Variants in IQGAP3 observed in about 807,000 individuals in gnomAD.
The protein encoded by IQGAP3 is IQ motif containing GTPase activating protein 3.
A neutral mutation model predicts 208.2 loss-of-function variants in IQGAP3; 165 were observed. The observed-to-expected ratio is 0.79, with a 90% CI of 0.70 to 0.90. IQGAP3 has a LOEUF of 0.90. Ranked by LOEUF, IQGAP3 falls within the 40% of genes least tolerant of loss-of-function variation. The pLI, the probability that IQGAP3 is intolerant of heterozygous loss-of-function variation, is 0.00. For missense variants in IQGAP3, 1,811 were observed against 2,043.1 expected, an observed-to-expected ratio of 0.89 and a Z score of 2.19; for synonymous variants, 703 against 803.6, an observed-to-expected ratio of 0.87 and a Z score of 2.12.
chr1:156,555,922 C>G (rs1357174227), intron 12 of IQGAP3, among the ~76,000 whole-genome samples: 1 of 152,216 alleles, frequency 6.6e-6, no homozygotes, highest in Non-Finnish European at 1.5e-5. Flanking sequence ...GTATCCAAGT[C>G]ATGCTGGGAG....
Position 156,538,848 on chromosome 1 carries a change from T to A in IQGAP3, c.3242A>T (p.Asn1081Ile). ...CTGGGCCTCAGTCTGGTTGATCCAGTTCTTATAGAGGTGGACAGGGTCTGT... is the reference window on the plus strand; with the variant it reads ...CTGGGCCTCAGTCTGGTTGATCCAGATCTTATAGAGGTGGACAGGGTCTGT... The part of the protein sequence containing the change: ...VHTDPVHLYK[N>I]WINQTEAQTG... The change falls in exon 26 of 38, where the codon AAC (asparagine) becomes ATC (isoleucine). Residue 1081 changes from asparagine to isoleucine, a missense_variant. Transcript: ENST00000361170. 6.2e-7 allele frequency: 1 copy of A among 1,614,196 alleles called. No individual in the cohort carries two copies. Among genetic ancestry groups the A allele is most frequent in the African/African-American group, 1.3e-5 (1 of 75,044 alleles).
chr1:156,528,869 G>T, intron 35 of IQGAP3, 47 bp downstream of exon 35: 2 of 1,606,222 alleles, frequency 1.2e-6, no homozygotes, highest in Non-Finnish European at 1.7e-6. Flanking sequence ...ATGGGCAGGG[G>T]TGAGAAGTCA....
chr1:156,534,783 G>A (rs1190191044), intron 28 of IQGAP3, 50 bp from the exon 29 acceptor site: 2 of 1,316,350 alleles, frequency 1.5e-6, no homozygotes, highest in Non-Finnish European at 2.0e-6. Context: ...CGCCTTGACT[G>A]GTGCGGCCCC....
In IQGAP3 at chr1:156,530,331, G is replaced by A. The variant is rs766006590; in HGVS notation, c.4192-14C>T. On this transcript the variant is annotated splice_polypyrimidine_tract_variant and intron_variant, in intron 33 of 37. Transcript: ENST00000361170. ...GTGGGCTGCTTCCTGGGGACACACA[G>A]ACGCTGGAGGGGTCTACCAGGTCCT... The A allele has an allele frequency of 3.7e-6, 6 of 1,600,280 alleles. No individual in the cohort carries two copies. The highest frequency in any genetic ancestry group is 1.1e-5 in the South Asian group (1 of 89,768).
Position 156,526,610 on chromosome 1 carries a change from A to G in IQGAP3, c.4783-11T>C. The G allele has an allele frequency of 1.3e-6, 2 of 1,590,230 alleles. No individual in the cohort carries two copies. Among genetic ancestry groups the G allele is most frequent in the South Asian group, 1.1e-5 (1 of 90,588 alleles). ...GAGCTGCAGGAGATCCTAGGAGGGA[A>G]GAGGCAGGGAGGGGAGTTTAAGGGC... On this transcript the variant is annotated splice_polypyrimidine_tract_variant and intron_variant, in intron 37 of 37. Coordinates refer to ENST00000361170, the MANE Select transcript of IQGAP3 (RefSeq NM_178229.5).
chr1:156,550,302 C>A lies in IQGAP3; in HGVS notation c.1784G>T (p.Gly595Val), dbSNP rs972615940. The A allele has an allele frequency of 1.2e-6, 2 of 1,614,026 alleles. No individual in the cohort carries two copies. The highest frequency in any genetic ancestry group is 1.1e-5 in the South Asian group (1 of 91,068). Residue 595 changes from glycine (G) to valine (V), a missense_variant, in exon 16 of 38, where the codon GGA (glycine) becomes GTA (valine). Transcript: ENST00000361170. ...AGTGTCCTGGTTGGCTCTGACCACT[C>A]CCTGGCGGATCTCCTCAAGCCACAG... is the stretch of plus-strand genomic sequence containing the variant. ...AVLWLEEIRQGVVRANQDTNT... is the reference protein window; with the variant it reads ...AVLWLEEIRQVVVRANQDTNT...
chr1:156,539,346 C>T, intron 25 of IQGAP3, 28 bp downstream of exon 25: 1 of 1,606,614 alleles, frequency 6.2e-7, no homozygotes. Flanking sequence ...CCATTCTCTC[C>T]CCATTCCTTT....
chr1:156,540,688 A>C lies in IQGAP3; in HGVS notation c.2739+20T>G. 1 of 1,596,972 alleles carries C rather than the reference A, an allele frequency of 6.3e-7. No individual in the cohort carries two copies. Among genetic ancestry groups the C allele is most frequent in the Non-Finnish European group, 8.6e-7 (1 of 1,165,782 alleles). On this transcript the variant is annotated intron_variant, in intron 23 of 37. Transcript: ENST00000361170. ...GAGGCAGGCAGATCTCGGGGAGGGGAGGACTGGTGGGCCCCATACCTGCAG... is the reference window on the plus strand; with the variant it reads ...GAGGCAGGCAGATCTCGGGGAGGGGCGGACTGGTGGGCCCCATACCTGCAG...
intron 32 of IQGAP3, 49 bp from the exon 33 acceptor site, chr1:156,531,296 G>A (rs771523900): frequency 1.0e-5 from 15 of 1,430,186 alleles, no homozygotes; most frequent in Admixed American, 1.7e-5. Flanking sequence ...CAGGGGAAGG[G>A]CCTGGACATG....
Position 156,539,395 on chromosome 1 carries a change from G to C in IQGAP3, c.3035C>G (p.Thr1012Arg), listed in dbSNP as rs1320825899. Residue 1012 changes from threonine to arginine, a missense_variant, in exon 25 of 38, where the codon ACA becomes AGA. Physicochemically the swap from Thr to Arg is moderately conservative, Grantham distance 71. Transcript: ENST00000361170. ...CTACTTGATTTCCTCCTGGAGTGCT[G>C]TCTTGAACAGCTGGAGCAGGAGATA... ...EAYLLLQLFK[T>R]ALQEEIKSKV... 3 of 1,613,944 alleles carry C rather than the reference G, an allele frequency of 1.9e-6. No individual in the cohort carries two copies. In the African/African-American group the frequency reaches 4.0e-5, roughly 22 times the overall value.
chr1:156,528,151 G>T, intron 36 of IQGAP3, 91 bp from the exon 37 acceptor site: 1 of 974,538 alleles, frequency 1.0e-6, no homozygotes. Context: ...ATCCTGGGCA[G>T]CGGTGTCATC....
chr1:156,564,248 A>T (rs1676297483), intron 5 of IQGAP3, among the ~76,000 whole-genome samples: 1 of 152,096 alleles, frequency 6.6e-6, no homozygotes, highest in Non-Finnish European at 1.5e-5. Context: ...CTGGTTGCTG[A>T]TGGCTGGCTG....
At chr1:156,530,972 C>T (rs1571310330) in intron 33 of IQGAP3, among the ~76,000 whole-genome samples, 188 bp downstream of exon 33, 3 of 152,152 alleles carry the variant, frequency 2.0e-5, no homozygotes, top group African/African-American at 7.2e-5. Flanking sequence ...CTCTGTAGCC[C>T]GAGGCTTCCC....
chr1:156,544,072 A>G, intron 21 of IQGAP3, 22 bp from the exon 22 acceptor site: 1 of 1,614,088 alleles, frequency 6.2e-7, no homozygotes, highest in Non-Finnish European at 8.5e-7. Context: ...ACAGATTGGA[A>G]AAGGGTTGCT....
At chr1:156,564,785 A>T in intron 4 of IQGAP3, 94 bp from the exon 5 acceptor site, 1 of 854,170 alleles carries the variant, frequency 1.2e-6, no homozygotes, top group Non-Finnish European at 2.0e-6. Flanking sequence ...TTCCTCTCCA[A>T]CCTGAGGTGT....
In IQGAP3 at chr1:156,561,029, A is replaced by T. The variant is rs1209737373; in HGVS notation, c.1042-8T>A. ...CTCCACCAGGCCCAGCTCCTAAGAG[A>T]GGGAAGAGATACAGTAGAATGGAGT... On this transcript the variant is annotated splice_region_variant and splice_polypyrimidine_tract_variant and intron_variant, in intron 10 of 37. Transcript: ENST00000361170. 4 of 1,607,070 alleles carry T rather than the reference A, an allele frequency of 2.5e-6. No individual in the cohort carries two copies. Among genetic ancestry groups the T allele is most frequent in the Non-Finnish European group, 2.6e-6 (3 of 1,173,958 alleles).
At chr1:156,556,415 T>C (rs1675821383) in intron 12 of IQGAP3, 118 bp downstream of exon 12, 3 of 935,150 alleles carry the variant, frequency 3.2e-6, no homozygotes, top group Admixed American at 4.4e-5. Flanking sequence ...TCTTTCCCCA[T>C]CCTAATCTCG....
At position 156,539,523 on chromosome 1, in the gene IQGAP3, G is replaced by A. The variant is rs931645588; in HGVS notation, c.2907C>T (p.Tyr969=). ...LFYLLQTQPI[Y]LAKLIFQMPQ... ...GCATCTGAAAGATCAGCTTGGCCAG[G>A]TAGATGGGCTGAGTCTGCAAGCAAG... Residue 969 remains tyrosine, a synonymous_variant, in exon 25 of 38, where the codon TAC becomes TAT. Coordinates refer to ENST00000361170, the MANE Select transcript of IQGAP3 (RefSeq NM_178229.5). The A allele has an allele frequency of 2.4e-5, 38 of 1,614,092 alleles. No homozygotes were observed. The highest frequency in any genetic ancestry group is 1.6e-4 in the Middle Eastern group (1 of 6,084).
intron 7 of IQGAP3, 84 bp downstream of exon 7, chr1:156,563,469 C>T: frequency 1.5e-6 from 2 of 1,370,508 alleles, no homozygotes; most frequent in Non-Finnish European, 2.0e-6. Context: ...GAGAGCTGGC[C>T]AGAACCCATC....
Sources: allele counts gnomAD v4.1 joint callset (sites outside exome capture counted in the v4.1 genomes callset), GRCh38; gene constraint gnomAD v4.1.1; transcripts MANE v1.5; gene names NCBI Gene and HGNC (gene_info 2026-07-23, HGNC 2026-07-21).